The following BID variants were observed in gnomAD, a reference collection of about 807,000 sequenced individuals.
BID encodes the protein BH3 interacting domain death agonist, also known as BH3-interacting domain death agonist.
BID carries 19 observed loss-of-function variants against 17.4 expected under a neutral mutation model. That is an observed-to-expected ratio of 1.09 (90% CI 0.76 to 1.60). The LOEUF (loss-of-function observed/expected upper bound fraction) is 1.60, where lower values mean the gene tolerates loss of function less well. Ranked by LOEUF, BID falls within the 40% of genes most tolerant of loss-of-function variation. The pLI is 0.00. For missense variants in BID, 226 were observed against 256.0 expected (o/e 0.88, Z 0.80); for synonymous variants, 108 against 102.8 (o/e 1.05, Z -0.31).
At chr22:17,750,307 T>G in intron 1 of BID, 133 bp from the exon 2 acceptor site, 2 of 730,910 alleles carry the variant, frequency 2.7e-6, no homozygotes, top group Non-Finnish European at 4.6e-6. Context: ...CCCCGCATCC[T>G]GAGTTTCTTT....
Position 17,757,589 on chromosome 22 carries a change from A to G in BID, c.-58-7415T>C, listed in dbSNP as rs572844050. ...CCGGGCGTGGTGGCGGGCGCCTGTAATCCCAGCTACTCGGGAGGCTGAGGC... is the reference window on the plus strand; with the variant it reads ...CCGGGCGTGGTGGCGGGCGCCTGTAGTCCCAGCTACTCGGGAGGCTGAGGC... On this transcript the variant is annotated intron_variant, in intron 1 of 5. Coordinates refer to ENST00000622694, the MANE Select transcript of BID (RefSeq NM_001196.4). Among the ~76,000 whole-genome samples, 544 of 151,198 alleles carry G rather than the reference A, an allele frequency of 3.6e-3. 1 individual carries two copies. The highest frequency in any genetic ancestry group is 3.8e-3 in the Admixed American group (57 of 15,156).
At chr22:17,748,404 A>G (rs1375159700) in intron 2 of BID, among the ~76,000 whole-genome samples, 1 of 151,058 alleles carries the variant, frequency 6.6e-6, no homozygotes, top group Non-Finnish European at 1.5e-5. Context: ...GCTACTCGGG[A>G]GGCTGAGGCA....
At chr22:17,754,609 C>G (rs902970492) in intron 1 of BID, among the ~76,000 whole-genome samples, 1 of 152,270 alleles carries the variant, frequency 6.6e-6, no homozygotes, top group African/African-American at 2.4e-5. Context: ...CGGGGACAAG[C>G]ACAGCACACA....
rs8190287 is a variant in BID at position 17,750,233 on chromosome 22, C to T, written c.-58-59G>A. The T allele has an allele frequency of 1.5e-3, 2,238 of 1,483,864 alleles. 30 individuals carry two copies. The African/African-American group carries it at 0.027, about 18-fold the overall frequency. 91.9% of individuals were successfully genotyped at this position (1,483,864 alleles called of 1,614,324 possible). The stretch of plus-strand genomic sequence containing the variant: ...CTGGGAAGCCCTGGTCAGGACCCCT[C>T]GGGAGGACGACGAAGCTGGCCTGTG... On this transcript the variant is annotated intron_variant, in intron 1 of 5. Transcript: ENST00000622694.
intron 1 of BID, among the ~76,000 whole-genome samples, chr22:17,757,399 T>TC (rs1409883496): frequency 1.9e-4 from 6 of 31,982 alleles, no homozygotes; most frequent in African/African-American, 5.9e-4. Flanking sequence ...CCTGACCCTG[T>TC]CCCAAAAAAA....
In BID at chr22:17,750,319, T is replaced by C; in HGVS notation, c.-58-145A>G. 4.3e-6 allele frequency: 3 copies of C among 705,004 alleles called. No homozygotes were observed. The Admixed American group carries it at 7.9e-5, about 19-fold the overall frequency. 43.7% of individuals were successfully genotyped at this position (705,004 alleles called of 1,614,324 possible). On this transcript the variant is annotated intron_variant, in intron 1 of 5. Transcript: ENST00000622694. ...GAGCCCCGCATCCTGAGTTTCTTTC[T>C]CCTTGGCGGGAGCCAAGCTTTGTTT...
rs900383501 is a variant in BID at position 17,735,306 on chromosome 22, T to C, written c.*274A>G. The C allele has an allele frequency of 1.5e-5, 7 of 460,490 alleles. No individual in the cohort carries two copies. The highest frequency in any genetic ancestry group is 1.4e-4 in the African/African-American group (7 of 50,014). The allele number at this position is 460,490 out of a possible 1,614,324, so 28.5% of individuals were successfully genotyped here. A position where few individuals can be genotyped will look rare whatever the true frequency, so the allele number is the denominator to read the frequency against. ...CTGCACAGTGGAAATAAAGGCACCG[T>C]GTGTAGATTTACAGATGTGCAGATT... On this transcript the variant is annotated 3_prime_UTR_variant, in exon 6 of 6. Transcript: ENST00000622694.
At chr22:17,747,174 G>A (rs2061500185) in intron 2 of BID, among the ~76,000 whole-genome samples, 1 of 152,222 alleles carries the variant, frequency 6.6e-6, no homozygotes, top group Non-Finnish European at 1.5e-5. Flanking sequence ...CAGCTGTGTG[G>A]ACAGGCTCCT....
At chr22:17,750,418 G>A (rs893906989) in intron 1 of BID, among the ~76,000 whole-genome samples, 10 of 152,246 alleles carry the variant, frequency 6.6e-5, no homozygotes, top group African/African-American at 2.4e-4. Context: ...GCCCTCCCAT[G>A]CCGCCCCAGG....
intron 1 of BID, among the ~76,000 whole-genome samples, chr22:17,758,768 G>C (rs1405098199): frequency 1.3e-5 from 2 of 152,158 alleles, no homozygotes; most frequent in Non-Finnish European, 2.9e-5. Flanking sequence ...AGCGTTTAAT[G>C]GTACCATTTC....
At chr22:17,755,311 C>T (rs2061574158) in intron 1 of BID, among the ~76,000 whole-genome samples, 1 of 152,158 alleles carries the variant, frequency 6.6e-6, no homozygotes. Flanking sequence ...ACAGCATGCT[C>T]CGTGCAGTGC....
rs1001395243 is a variant in BID at position 17,773,224 on chromosome 22, G to C, written c.-59+1157C>G. On this transcript the variant is annotated intron_variant, in intron 1 of 5. Coordinates refer to ENST00000622694, the MANE Select transcript of BID (RefSeq NM_001196.4). This position sits in a 1 kb window ranked among gnomAD's most constrained non-coding sequence, Gnocchi z 4.4. Reference sequence around the variant, plus strand: ...GTCGTCCTCCCGGCAGTGCCTCCCTGGAGCTCTGTCTACCTCAACTCCTGA... The same window carrying C: ...GTCGTCCTCCCGGCAGTGCCTCCCTCGAGCTCTGTCTACCTCAACTCCTGA... Among the ~76,000 whole-genome samples, 3 of 152,096 alleles carry C rather than the reference G, an allele frequency of 2.0e-5. No homozygotes were observed. Among genetic ancestry groups the C allele is most frequent in the African/African-American group, 7.2e-5 (3 of 41,412 alleles).
chr22:17,749,993 G>A lies in BID; in HGVS notation c.12+112C>T. 4 of 1,067,646 alleles carry A rather than the reference G, an allele frequency of 3.7e-6. No homozygotes were observed. The South Asian group carries it at 4.3e-5, about 12-fold the overall frequency. 66.1% of individuals were successfully genotyped at this position (1,067,646 alleles called of 1,614,324 possible). A position where few individuals can be genotyped will look rare whatever the true frequency, so the allele number is the denominator to read the frequency against. ...GTTCGTCTGTGCCGAGCTGTGGTAAGGGCCAGGCGGGCTCAGCCTCAGCCC... is the reference window on the plus strand; with the variant it reads ...GTTCGTCTGTGCCGAGCTGTGGTAAAGGCCAGGCGGGCTCAGCCTCAGCCC... On this transcript the variant is annotated intron_variant, in intron 2 of 5. Transcript: ENST00000622694.
chr22:17,773,975 G>T lies in BID; in HGVS notation c.-59+406C>A. 1.9e-6 allele frequency: 1 copy of T among 521,320 alleles called. No individual in the cohort carries two copies. Among genetic ancestry groups the T allele is most frequent in the Non-Finnish European group, 3.4e-6 (1 of 290,620 alleles). 32.3% of individuals were successfully genotyped at this position (521,320 alleles called of 1,614,324 possible). On this transcript the variant is annotated intron_variant, in intron 1 of 5. Transcript: ENST00000622694. The surrounding 1 kb of genome is among the most constrained non-coding windows in gnomAD (Gnocchi z 4.4). ...GTGTGGGCGGGGATTCCGATCCGCC[G>T]GCAAGGGTGGCCTGCACCCGGCCAG...
chr22:17,750,250 T>C, intron 1 of BID, 76 bp from the exon 2 acceptor site: 6 of 1,269,674 alleles, frequency 4.7e-6, no homozygotes, highest in Middle Eastern at 1.9e-4. Flanking sequence ...ACGACGAAGC[T>C]GGCCTGTGCT....
intron 3 of BID, chr22:17,739,807 A>G (rs2061445867): frequency 3.4e-6 from 2 of 580,618 alleles, no homozygotes. Flanking sequence ...CAGCGGCTTC[A>G]TGGCTCACAC....
Position 17,769,896 on chromosome 22 carries a change from G to T in BID, c.-59+4485C>A, listed in dbSNP as rs2061707014. ...ACGTGGTGCCCCGCCAGGCTTGGGG[G>T]TGTGCACTTGCCCGCTGGCCTCCGG... On this transcript the variant is annotated intron_variant, in intron 1 of 5. Transcript: ENST00000622694. This position sits in a 1 kb window ranked among gnomAD's most constrained non-coding sequence, Gnocchi z 4.8. Among the ~76,000 whole-genome samples, 1 of 152,146 alleles carries T rather than the reference G, an allele frequency of 6.6e-6. No homozygotes were observed. Among genetic ancestry groups the T allele is most frequent in the Admixed American group, 6.5e-5 (1 of 15,274 alleles).
At chr22:17,742,590 A>G (rs992357604) in intron 3 of BID, among the ~76,000 whole-genome samples, 2 of 148,546 alleles carry the variant, frequency 1.3e-5, no homozygotes, top group Non-Finnish European at 3.0e-5. Context: ...GGTCTCCCCC[A>G]CAGCCACCAG....
chr22:17,762,730 C>A (rs1027142216), intron 1 of BID, among the ~76,000 whole-genome samples: 1 of 149,658 alleles, frequency 6.7e-6, no homozygotes, highest in Admixed American at 6.6e-5. Context: ...TTTAAAATTT[C>A]TCAGTTTTAA....
Sources: gnomAD v4.1 joint callset for allele counts (sites outside exome capture counted in the v4.1 genomes callset) on GRCh38, gnomAD v4.1.1 for gene constraint, Gnocchi (gnomAD v3.1) non-coding constraint, MANE v1.5 for transcripts, NCBI Gene and HGNC (gene_info 2026-07-23, HGNC 2026-07-21) for gene names.